PPM1A: variants seen among roughly 807,000 people sequenced by gnomAD.
PPM1A encodes protein phosphatase, Mg2+/Mn2+ dependent 1A, also known as protein phosphatase 1A.
PPM1A carries 7 observed loss-of-function variants against 35.0 expected under a neutral mutation model. The observed-to-expected ratio is 0.20, with a 90% confidence interval of 0.11 to 0.38. PPM1A has a LOEUF of 0.38. Among genes scored for constraint, PPM1A ranks in the 10% least tolerant of loss-of-function variants. The pLI is 1.00. For synonymous variants in PPM1A, 153 were observed against 167.3 expected, an observed-to-expected ratio of 0.91 and a Z score of 0.66; for missense variants, 239 against 467.8, an observed-to-expected ratio of 0.51 and a Z score of 4.51.
At chr14:60,272,171 T>C (rs1885209847) in intron 1 of PPM1A, among the ~76,000 whole-genome samples, 1 of 152,228 alleles carries the variant, frequency 6.6e-6, no homozygotes. Context: ...GATTTTGTTT[T>C]TCTAGATGTG....
intron 1 of PPM1A, among the ~76,000 whole-genome samples, chr14:60,255,423 G>A (rs1176335505): frequency 1.3e-5 from 2 of 151,774 alleles, no homozygotes; most frequent in East Asian, 1.9e-4. Context: ...CGCCCGCCTC[G>A]GCCTCCCAAA....
chr14:60,284,303 G>A (rs1361115661), intron 2 of PPM1A, among the ~76,000 whole-genome samples: 25 of 152,128 alleles, frequency 1.6e-4, no homozygotes, highest in East Asian at 1.9e-4. Context: ...ATTCCTGAAC[G>A]AATTGTTCAA....
Position 60,296,597 on chromosome 14 carries a change from A to G in PPM1A, c.*4115A>G, listed in dbSNP as rs1411229926. ...TTAGGAAGCCTTCTTTAGAGTTCAA[A>G]ATTTTAGAAGCCTAATTTGCTCTTA... On this transcript the variant is annotated 3_prime_UTR_variant, in exon 6 of 6. Transcript: ENST00000395076. The surrounding 1 kb of genome is among the most constrained non-coding windows in gnomAD (Gnocchi z 4.4). The G allele has an allele frequency of 3.0e-6, 1 of 328,942 alleles. No homozygotes were observed. Among genetic ancestry groups the G allele is most frequent in the Non-Finnish European group, 5.6e-6 (1 of 177,786 alleles). 20.4% of individuals were successfully genotyped at this position (328,942 alleles called of 1,614,324 possible). A position where few individuals can be genotyped will look rare whatever the true frequency, so the allele number is the denominator to read the frequency against.
chr14:60,247,395 C>T (rs1286924289), upstream of PPM1A, among the ~76,000 whole-genome samples: 1 of 151,778 alleles, frequency 6.6e-6, no homozygotes. Context: ...TTTGGGAGGC[C>T]GAGGAGGGTG....
At chr14:60,260,924 A>G (rs1164450839) in intron 1 of PPM1A, among the ~76,000 whole-genome samples, 1 of 152,156 alleles carries the variant, frequency 6.6e-6, no homozygotes, top group African/African-American at 2.4e-5. Flanking sequence ...CTGCATCCCA[A>G]TTTAAACCAA....
Position 60,282,969 on chromosome 14 carries a change from C to T in PPM1A, c.266C>T (p.Ala89Val). The T allele has an allele frequency of 6.2e-7, 1 of 1,614,196 alleles. No homozygotes were observed. Among genetic ancestry groups the T allele is most frequent in the Non-Finnish European group, 8.5e-7 (1 of 1,180,046 alleles). ...AATAACCAGGATTTTAAAGGGTCTGCAGGAGCACCTTCTGTGGAAAATGTA... is the reference window on the plus strand; with the variant it reads ...AATAACCAGGATTTTAAAGGGTCTGTAGGAGCACCTTCTGTGGAAAATGTA... Reference protein sequence around the residue: ...ITNNQDFKGSAGAPSVENVKN... With the variant: ...ITNNQDFKGSVGAPSVENVKN... The change falls in exon 2 of 6, where the codon GCA becomes GTA. Residue 89 changes from alanine (A) to valine (V), a missense_variant. Around this residue, in one of 2 missense-constraint regions of PPM1A, gnomAD observed 175 missense variants for 389.2 expected, o/e 0.45. Coordinates refer to ENST00000395076, the MANE Select transcript of PPM1A (RefSeq NM_021003.5). The surrounding 1 kb of genome is among the most constrained non-coding windows in gnomAD (Gnocchi z 5.1).
intron 1 of PPM1A, among the ~76,000 whole-genome samples, chr14:60,250,976 A>G (rs773376549): frequency 2.1e-4 from 32 of 152,228 alleles, no homozygotes; most frequent in Non-Finnish European, 3.2e-4. Flanking sequence ...CAAATGAGAA[A>G]ATTGAAAATA....
chr14:60,275,410 T>C (rs1462340016), intron 1 of PPM1A, among the ~76,000 whole-genome samples: 1 of 152,162 alleles, frequency 6.6e-6, no homozygotes, highest in Non-Finnish European at 1.5e-5. Context: ...TTTACACAAA[T>C]CATTTCTGCA....
chr14:60,259,743 A>C (rs1883531722), intron 1 of PPM1A, among the ~76,000 whole-genome samples: 2 of 152,068 alleles, frequency 1.3e-5, no homozygotes, highest in South Asian at 4.1e-4. Flanking sequence ...TCTTTTTAGT[A>C]TTTTGCTTGT....
chr14:60,287,330 T>C (rs1470698221), intron 3 of PPM1A: 1 of 984,232 alleles, frequency 1.0e-6, no homozygotes, highest in Non-Finnish European at 1.2e-6. Context: ...ATTTTTGATA[T>C]GTTAAAGTGT....
chr14:60,286,926 C>T (rs1887078640), intron 3 of PPM1A: 2 of 910,688 alleles, frequency 2.2e-6, no homozygotes, highest in Middle Eastern at 5.6e-4. Flanking sequence ...TTAAATTAAT[C>T]ATTCAATATA....
rs1181777354 is a variant in PPM1A, at chr14:60,289,775, CACTT to C, written c.953-28_953-25del. The C allele has an allele frequency of 1.4e-6, 2 of 1,425,396 alleles. No homozygotes were observed. The highest frequency in any genetic ancestry group is 2.4e-5 in the East Asian group (1 of 42,396). 88.3% of individuals were successfully genotyped at this position (1,425,396 alleles called of 1,614,324 possible). On this transcript the variant is annotated intron_variant, in intron 3 of 5. Transcript: ENST00000395076. This position sits in a 1 kb window ranked among gnomAD's most constrained non-coding sequence, Gnocchi z 4.1. ...TTTCTTTTCAATTAAATTTGGATAA[CACTT>C]ACAAAAAAAGTACTTCTGATTCCCA...
intron 1 of PPM1A, among the ~76,000 whole-genome samples, chr14:60,272,550 T>C (rs760728449): frequency 1.3e-5 from 2 of 151,720 alleles, no homozygotes; most frequent in Non-Finnish European, 2.9e-5. Flanking sequence ...CTACTAAAAA[T>C]AACAAAAAAT....
upstream of PPM1A, among the ~76,000 whole-genome samples, chr14:60,247,185 G>T (rs972152890): frequency 1.3e-5 from 2 of 152,164 alleles, no homozygotes; most frequent in Non-Finnish European, 2.9e-5. Flanking sequence ...AGAAGGTAGC[G>T]TTTCAAAGAT....
At chr14:60,269,850 A>T (rs560623364) in intron 1 of PPM1A, among the ~76,000 whole-genome samples, 6 of 152,248 alleles carry the variant, frequency 3.9e-5, no homozygotes, top group Non-Finnish European at 7.4e-5. Flanking sequence ...TGCCCAGCCG[A>T]TGGCATGTTT....
chr14:60,286,190 T>A, intron 3 of PPM1A: 1 of 985,818 alleles, frequency 1.0e-6, no homozygotes, highest in Non-Finnish European at 1.2e-6. Flanking sequence ...AATCACAGCC[T>A]CATCATTAGC....
chr14:60,271,061 G>C (rs1309333675), intron 1 of PPM1A, among the ~76,000 whole-genome samples: 5 of 152,152 alleles, frequency 3.3e-5, no homozygotes, highest in East Asian at 1.9e-4. Flanking sequence ...CCAAGAATGT[G>C]CTCACTCCCG....
At chr14:60,260,423 G>A (rs558166773) in intron 1 of PPM1A, among the ~76,000 whole-genome samples, 1 of 152,146 alleles carries the variant, frequency 6.6e-6, no homozygotes, top group African/African-American at 2.4e-5. Context: ...ACTATAGCAT[G>A]AGTATTTTTT....
At chr14:60,269,992 T>G (rs12890040) in intron 1 of PPM1A, among the ~76,000 whole-genome samples, 40,046 of 152,188 alleles carry the variant, frequency 0.26, 5,588 homozygotes, top group South Asian at 0.36. Flanking sequence ...AGTTTATGAT[T>G]TATTTCTTCT....
Sources: allele counts gnomAD v4.1 joint callset (sites outside exome capture counted in the v4.1 genomes callset), GRCh38; gene constraint gnomAD v4.1.1; regional missense constraint gnomAD v4.1.1; non-coding constraint Gnocchi (gnomAD v3.1); transcripts MANE v1.5; gene names NCBI Gene and HGNC (gene_info 2026-07-23, HGNC 2026-07-21).